Variants in KCNIP4 observed in about 807,000 individuals in gnomAD.
The protein encoded by KCNIP4 is Kv channel-interacting protein 4.
KCNIP4 carries 12 observed loss-of-function variants against 34.0 expected under a neutral mutation model. The ratio of observed to expected loss-of-function variants is 0.35; its 90% CI spans 0.23 to 0.57. The LOEUF is 0.57. KCNIP4 is among the 20% of genes least tolerant of loss of function. The pLI is 0.83. For synonymous variants in KCNIP4, 124 were observed against 102.2 expected, an observed-to-expected ratio of 1.21 and a Z score of -1.29; for missense variants, 238 against 311.7, an observed-to-expected ratio of 0.76 and a Z score of 1.78.
chr4:20,905,509 C>CTTTCTTTTTTT (rs71655610), intron 1 of KCNIP4, among the ~76,000 whole-genome samples: 10 of 72,794 alleles, frequency 1.4e-4, no homozygotes, highest in South Asian at 4.4e-4. Context: ...CGTTTTCTTT[C>CTTTCTTTTTTT]TTTTTTTTTT....
chr4:20,902,553 C>A (rs1232367012), intron 1 of KCNIP4, among the ~76,000 whole-genome samples: 3 of 152,114 alleles, frequency 2.0e-5, no homozygotes, highest in Admixed American at 2.0e-4. Flanking sequence ...GAGTTTCACT[C>A]TTGTTGCCCA....
intron 3 of KCNIP4, among the ~76,000 whole-genome samples, chr4:20,803,668 A>G (rs1419453031): frequency 1.4e-5 from 2 of 139,894 alleles, no homozygotes; most frequent in African/African-American, 2.7e-5. Context: ...AATGAAAGAG[A>G]AAGAAAGAGA....
At chr4:20,810,468 AG>A (rs1363917178) in intron 3 of KCNIP4, among the ~76,000 whole-genome samples, 1 of 149,288 alleles carries the variant, frequency 6.7e-6, no homozygotes, top group Admixed American at 6.7e-5. Flanking sequence ...AAGGGGGGAG[AG>A]AGAGAGAGAG....
At chr4:21,252,297 T>C (rs1271623883) in intron 1 of KCNIP4, among the ~76,000 whole-genome samples, 1 of 151,766 alleles carries the variant, frequency 6.6e-6, no homozygotes, top group Non-Finnish European at 1.5e-5. Flanking sequence ...CCTGCTAACT[T>C]TTGTATTTTT....
intron 3 of KCNIP4, among the ~76,000 whole-genome samples, chr4:20,808,117 T>G (rs559021265): frequency 6.6e-6 from 1 of 152,182 alleles, no homozygotes; most frequent in Non-Finnish European, 1.5e-5. Flanking sequence ...ACAAATCTCT[T>G]TTTTGGTAAA....
intron 1 of KCNIP4, among the ~76,000 whole-genome samples, chr4:21,266,602 C>T (rs975665561): frequency 2.6e-5 from 4 of 152,172 alleles, no homozygotes; most frequent in South Asian, 2.1e-4. Flanking sequence ...AAAATGAGGA[C>T]GTTTGACCTA....
chr4:21,139,067 A>G (rs1279863182), intron 1 of KCNIP4, among the ~76,000 whole-genome samples: 1 of 152,096 alleles, frequency 6.6e-6, no homozygotes, highest in Non-Finnish European at 1.5e-5. Context: ...CAATCACTCC[A>G]CTCTAACACT....
At chr4:21,896,414 A>G (rs1185689058) in intron 1 of KCNIP4, among the ~76,000 whole-genome samples, 1 of 152,126 alleles carries the variant, frequency 6.6e-6, no homozygotes, top group Non-Finnish European at 1.5e-5. Flanking sequence ...ATCCAAGAAA[A>G]AGGACTTGTG....
At chr4:20,976,945 C>A (rs1735552175) in intron 1 of KCNIP4, among the ~76,000 whole-genome samples, 1 of 151,980 alleles carries the variant, frequency 6.6e-6, no homozygotes, top group South Asian at 2.1e-4. Flanking sequence ...GCGATTCTCC[C>A]ACCTCAGCCT....
At chr4:21,900,854 T>C (rs1215849256) in intron 1 of KCNIP4, among the ~76,000 whole-genome samples, 3 of 152,218 alleles carry the variant, frequency 2.0e-5, no homozygotes, top group Non-Finnish European at 4.4e-5. Flanking sequence ...TTTCTGTGCA[T>C]AAATGTCACT....
intron 1 of KCNIP4, among the ~76,000 whole-genome samples, chr4:21,475,360 G>C (rs1390496213): frequency 6.6e-6 from 1 of 152,218 alleles, no homozygotes; most frequent in South Asian, 2.1e-4. Flanking sequence ...TGTGACAGAA[G>C]TGAAAGCGGA....
At chr4:21,053,403 C>T (rs2108953096) in intron 1 of KCNIP4, among the ~76,000 whole-genome samples, 1 of 152,196 alleles carries the variant, frequency 6.6e-6, no homozygotes, top group South Asian at 2.1e-4. Flanking sequence ...AAACGTATAG[C>T]TAACATTGTA....
chr4:20,946,097 A>C (rs923467272), intron 1 of KCNIP4, among the ~76,000 whole-genome samples: 1 of 152,152 alleles, frequency 6.6e-6, no homozygotes, highest in African/African-American at 2.4e-5. Context: ...GGTCATGAAC[A>C]AGACCAGCAA....
In KCNIP4 at chr4:21,792,018, A is replaced by AAAAAAAC. The variant is rs1560717719; in HGVS notation, c.61+156552_61+156553insGTTTTTT. Among the ~76,000 whole-genome samples the AAAAAAAC allele has an allele frequency of 1.1e-4, 17 of 150,218 alleles. 1 individual carries two copies. Among genetic ancestry groups the AAAAAAAC allele is most frequent in the African/African-American group, 4.2e-4 (17 of 40,476 alleles). On this transcript the variant is annotated intron_variant, in intron 1 of 8. Coordinates refer to ENST00000382152, the MANE Select transcript of KCNIP4 (RefSeq NM_025221.6). ...TCCGTCTCAAAAAAAAAAAAAAAAA[A>AAAAAAAC]AAAAAAAAAAACCTACCTCATAGGC...
intron 4 of KCNIP4, among the ~76,000 whole-genome samples, chr4:20,754,331 T>C (rs1375753180): frequency 2.0e-5 from 3 of 152,172 alleles, no homozygotes; most frequent in African/African-American, 7.2e-5. Context: ...GACAAAGCAC[T>C]TTCCTGGAGG....
chr4:21,073,998 T>C (rs994057326), intron 1 of KCNIP4, among the ~76,000 whole-genome samples: 2 of 152,204 alleles, frequency 1.3e-5, no homozygotes, highest in African/African-American at 2.4e-5. Context: ...CAGTTGATCA[T>C]GGTGGATAAG....
intron 1 of KCNIP4, among the ~76,000 whole-genome samples, chr4:21,061,774 G>C (rs761670979): frequency 6.6e-5 from 10 of 152,120 alleles, no homozygotes; most frequent in African/African-American, 1.7e-4. Flanking sequence ...CAGTATCTCA[G>C]AATGTGACTG....
Position 20,744,605 on chromosome 4 carries a change from G to A in KCNIP4, c.429+5057C>T, listed in dbSNP as rs191846037. On this transcript the variant is annotated intron_variant, in intron 5 of 8. Coordinates refer to ENST00000382152, the MANE Select transcript of KCNIP4 (RefSeq NM_025221.6). ...ACATAGGATGGAGAACATCACACAC[G>A]GGGGCCTGATGAGGGGTCAGGGGGA... Among the ~76,000 whole-genome samples, 353 of 151,850 alleles carry A rather than the reference G, an allele frequency of 2.3e-3. 7 individuals are homozygous for A. In the South Asian group the frequency reaches 0.046, roughly 20 times the overall value.
chr4:21,430,725 C>A (rs1202068668), intron 1 of KCNIP4, among the ~76,000 whole-genome samples: 4 of 151,454 alleles, frequency 2.6e-5, no homozygotes, highest in African/African-American at 7.3e-5. Flanking sequence ...GGTAAGAAAT[C>A]TGAGTCTCAG....
Sources: allele counts gnomAD v4.1 joint callset (sites outside exome capture counted in the v4.1 genomes callset), GRCh38; gene constraint gnomAD v4.1.1; transcripts MANE v1.5; gene names NCBI Gene and HGNC (gene_info 2026-07-23, HGNC 2026-07-21).